Variants in WWOX observed in about 807,000 individuals in gnomAD.
WWOX encodes WW domain-containing oxidoreductase.
A neutral mutation model predicts 46.2 loss-of-function variants in WWOX; 69 were observed. That is an observed-to-expected ratio of 1.49 (90% CI 1.23 to 1.82). WWOX has a LOEUF of 1.82. Ranked by LOEUF, WWOX falls within the 40% of genes most tolerant of loss-of-function variation. The probability of loss-of-function intolerance (pLI) is 0.00; values close to 1 mark genes in which losing one functional copy is unlikely to be tolerated. For missense variants in WWOX, 919 were observed against 542.6 expected (o/e 1.69, Z -6.89); for synonymous variants, 359 against 202.6 (o/e 1.77, Z -6.56).
At chr16:78,828,531 T>A (rs2051724609) in intron 8 of WWOX, among the ~76,000 whole-genome samples, 1 of 151,476 alleles carries the variant, frequency 6.6e-6, no homozygotes, top group Admixed American at 6.6e-5. Flanking sequence ...TAGTATATAA[T>A]TATATATAAT....
chr16:78,679,449 G>T (rs150214976), intron 8 of WWOX, among the ~76,000 whole-genome samples: 134 of 152,308 alleles, frequency 8.8e-4, no homozygotes, highest in African/African-American at 3.1e-3. Flanking sequence ...TACTTGTGAG[G>T]CTGAGGCAGG....
At chr16:78,377,202 T>G (rs1175727896) in intron 5 of WWOX, among the ~76,000 whole-genome samples, 1 of 152,228 alleles carries the variant, frequency 6.6e-6, no homozygotes, top group Admixed American at 6.5e-5. Flanking sequence ...TGATGTCCAG[T>G]ACGTTGCCTT....
At chr16:78,806,884 A>G (rs944506179) in intron 8 of WWOX, among the ~76,000 whole-genome samples, 1 of 152,202 alleles carries the variant, frequency 6.6e-6, no homozygotes, top group Admixed American at 6.5e-5. Context: ...CGTGTCCTGC[A>G]GTGGGATATT....
chr16:78,804,185 G>A (rs1453264447), intron 8 of WWOX, among the ~76,000 whole-genome samples: 1 of 152,058 alleles, frequency 6.6e-6, no homozygotes, highest in Non-Finnish European at 1.5e-5. Flanking sequence ...TCCTCTTGAA[G>A]AGCCCAGGAA....
intron 8 of WWOX, among the ~76,000 whole-genome samples, chr16:78,768,550 G>A (rs185675875): frequency 6.6e-5 from 10 of 150,936 alleles, no homozygotes; most frequent in African/African-American, 1.5e-4. Context: ...AGACTGCGCC[G>A]CTGCACTCCA....
intron 6 of WWOX, among the ~76,000 whole-genome samples, chr16:78,390,101 G>A (rs1225418146): frequency 1.3e-5 from 2 of 152,150 alleles, no homozygotes; most frequent in African/African-American, 4.8e-5. Flanking sequence ...GACTTTCGCA[G>A]GGTCACTTAG....
At chr16:78,524,991 G>A (rs187230091) in intron 8 of WWOX, among the ~76,000 whole-genome samples, 62 of 150,084 alleles carry the variant, frequency 4.1e-4, no homozygotes, top group Admixed American at 1.1e-3. Context: ...TCAGCCTCCT[G>A]AGTAGCTGGA....
At chr16:78,683,286 G>T (rs1034649621) in intron 8 of WWOX, among the ~76,000 whole-genome samples, 2 of 120,122 alleles carry the variant, frequency 1.7e-5, no homozygotes, top group Admixed American at 1.5e-4. Context: ...TGAGGTGGGT[G>T]GATTGCCTGA....
chr16:78,366,500 A>G (rs1043921765), intron 5 of WWOX, among the ~76,000 whole-genome samples: 1 of 152,212 alleles, frequency 6.6e-6, no homozygotes, highest in Non-Finnish European at 1.5e-5. Flanking sequence ...AGTATTAATT[A>G]TAAGACTGTT....
intron 8 of WWOX, chr16:79,205,539 C>T (rs1034357404): frequency 6.6e-6 from 1 of 152,222 alleles, no homozygotes; most frequent in Admixed American, 6.5e-5. Flanking sequence ...AACACTTTCT[C>T]ACACTTCTAA....
At chr16:78,218,756 C>T (rs897752505) in intron 5 of WWOX, among the ~76,000 whole-genome samples, 1 of 152,204 alleles carries the variant, frequency 6.6e-6, no homozygotes, top group Non-Finnish European at 1.5e-5. Flanking sequence ...GGCCAGTGTG[C>T]GCCGTGCAGT....
chr16:78,938,426 C>T (rs1013253241), intron 8 of WWOX, among the ~76,000 whole-genome samples: 1 of 151,544 alleles, frequency 6.6e-6, no homozygotes, highest in African/African-American at 2.4e-5. Flanking sequence ...AGCTTGAGGA[C>T]CTTTGTGTGA....
chr16:78,702,818 G>A (rs188520874), intron 8 of WWOX, among the ~76,000 whole-genome samples: 5 of 152,240 alleles, frequency 3.3e-5, no homozygotes, highest in Admixed American at 2.0e-4. Context: ...GCTGCGGGTC[G>A]AGGGAAACAC....
chr16:78,609,039 T>C (rs2045833592), intron 8 of WWOX, among the ~76,000 whole-genome samples: 1 of 152,320 alleles, frequency 6.6e-6, no homozygotes, highest in East Asian at 1.9e-4. Flanking sequence ...CTGAGTTTTA[T>C]TAAAATGATA....
At chr16:78,136,196 G>C (rs1384373825) in intron 4 of WWOX, among the ~76,000 whole-genome samples, 1 of 152,132 alleles carries the variant, frequency 6.6e-6, no homozygotes, top group African/African-American at 2.4e-5. Flanking sequence ...TTACATCTGG[G>C]CTAAAAGGTT....
intron 6 of WWOX, among the ~76,000 whole-genome samples, chr16:78,403,973 T>C (rs1223865450): frequency 1.3e-5 from 2 of 152,208 alleles, no homozygotes; most frequent in Non-Finnish European, 2.9e-5. Context: ...TATTGTATTA[T>C]CTTAACATAT....
At chr16:78,277,997 T>G (rs1275427003) in intron 5 of WWOX, among the ~76,000 whole-genome samples, 1 of 152,168 alleles carries the variant, frequency 6.6e-6, no homozygotes, top group Non-Finnish European at 1.5e-5. Context: ...GGTGATGATC[T>G]TATGAAGTTG....
chr16:78,726,302 G>A (rs1336006589), intron 8 of WWOX, among the ~76,000 whole-genome samples: 1 of 151,176 alleles, frequency 6.6e-6, no homozygotes, highest in Non-Finnish European at 1.5e-5. Flanking sequence ...ACGGTTCACT[G>A]CAGCCTCAAC....
intron 8 of WWOX, among the ~76,000 whole-genome samples, chr16:78,578,275 TATATATA>T (rs2044948435): frequency 1.7e-4 from 7 of 40,600 alleles, no homozygotes; most frequent in East Asian, 5.9e-4. Flanking sequence ...TATATATATA[TATATATA>T]TATTTTTTTT....
Sources: allele counts gnomAD v4.1 joint callset (sites outside exome capture counted in the v4.1 genomes callset), GRCh38; gene constraint gnomAD v4.1.1; transcripts MANE v1.5; gene names NCBI Gene and HGNC (gene_info 2026-07-23, HGNC 2026-07-21).